NOL4: variants seen among roughly 807,000 people sequenced by gnomAD.
NOL4 encodes the protein nucleolar protein 4, also known as cancer/testis antigen 125.
Under a neutral mutation model 75.9 loss-of-function variants are expected in NOL4, and 17 were observed. The observed-to-expected ratio is 0.22, with a 90% CI of 0.15 to 0.34. The LOEUF (loss-of-function observed/expected upper bound fraction) is 0.34, where lower values mean the gene tolerates loss of function less well. Among genes scored for constraint, NOL4 ranks in the 10% least tolerant of loss-of-function variants. The pLI is 1.00. For missense variants in NOL4, 614 were observed against 793.5 expected, an observed-to-expected ratio of 0.77 and a Z score of 2.72; for synonymous variants, 292 against 289.9, an observed-to-expected ratio of 1.01 and a Z score of -0.07.
intron 1 of NOL4, among the ~76,000 whole-genome samples, chr18:34,158,833 G>A (rs534540668): frequency 6.6e-6 from 1 of 152,312 alleles, no homozygotes; most frequent in African/African-American, 2.4e-5. Flanking sequence ...GCTAATAGAA[G>A]AGGCGTGGCA....
chr18:34,020,500 G>A (rs1479859937), intron 5 of NOL4, among the ~76,000 whole-genome samples: 1 of 152,056 alleles, frequency 6.6e-6, no homozygotes, highest in Non-Finnish European at 1.5e-5. Context: ...ACACTTCTGG[G>A]AGTTTAATAC....
chr18:33,967,273 T>C (rs1302888325), intron 6 of NOL4, among the ~76,000 whole-genome samples: 6 of 152,112 alleles, frequency 3.9e-5, no homozygotes, highest in African/African-American at 1.4e-4. Flanking sequence ...TGGCTACCCA[T>C]ATGCAGGAGA....
At chr18:33,901,394 A>C (rs2065742080) in intron 9 of NOL4, among the ~76,000 whole-genome samples, 1 of 152,162 alleles carries the variant, frequency 6.6e-6, no homozygotes, top group African/African-American at 2.4e-5. Flanking sequence ...AGGGAAATAA[A>C]TTTAAATGAT....
At chr18:34,163,479 C>A (rs571485574) in intron 1 of NOL4, among the ~76,000 whole-genome samples, 1 of 152,024 alleles carries the variant, frequency 6.6e-6, no homozygotes, top group African/African-American at 2.4e-5. Flanking sequence ...CATGAGTGAA[C>A]TCCCATTCAC....
At chr18:34,211,369 C>A (rs1207085939) in intron 1 of NOL4, among the ~76,000 whole-genome samples, 2 of 152,156 alleles carry the variant, frequency 1.3e-5, no homozygotes, top group Non-Finnish European at 2.9e-5. Flanking sequence ...GCTTAGAGAA[C>A]AATGACCCAC....
chr18:34,177,589 G>A (rs1600805333), intron 1 of NOL4, among the ~76,000 whole-genome samples: 1 of 151,844 alleles, frequency 6.6e-6, no homozygotes, highest in East Asian at 1.9e-4. Flanking sequence ...GCACAGGTGT[G>A]TTCAGGCTAG....
chr18:34,024,066 AGT>A (rs1013809214), intron 5 of NOL4, among the ~76,000 whole-genome samples: 4 of 150,602 alleles, frequency 2.7e-5, no homozygotes, highest in Non-Finnish European at 1.5e-5. Flanking sequence ...TGTGTATTTA[AGT>A]GTGTGTGTGT....
intron 6 of NOL4, among the ~76,000 whole-genome samples, chr18:34,003,999 TCTCTTTGAAGCCTGCTA>T (rs1387220858): frequency 1.3e-5 from 2 of 152,032 alleles, no homozygotes; most frequent in Non-Finnish European, 1.5e-5. Context: ...TATAATCTAG[TCTCTTTGAAGCCTGCTA>T]CCTGGAGGCT....
chr18:33,892,637 T>C (rs2065158273), intron 9 of NOL4, among the ~76,000 whole-genome samples: 1 of 68,802 alleles, frequency 1.5e-5, no homozygotes, highest in Non-Finnish European at 2.8e-5. Context: ...CTTTTCTTCT[T>C]CTTCTCCTTC....
chr18:34,134,312 C>T (rs910618472), intron 1 of NOL4, among the ~76,000 whole-genome samples: 12 of 151,862 alleles, frequency 7.9e-5, no homozygotes, highest in Admixed American at 2.0e-4. Flanking sequence ...ATATTGTATG[C>T]TCAAGAGCAA....
At chr18:33,974,032 T>G (rs1568152760) in intron 6 of NOL4, among the ~76,000 whole-genome samples, 1 of 152,202 alleles carries the variant, frequency 6.6e-6, no homozygotes, top group East Asian at 1.9e-4. Context: ...CTAGATGGCT[T>G]CTTCTTCTAA....
At chr18:34,029,256 C>T (rs984066883) in intron 5 of NOL4, among the ~76,000 whole-genome samples, 1 of 152,160 alleles carries the variant, frequency 6.6e-6, no homozygotes. Context: ...AGCTGTTCTG[C>T]ACATTCTAGT....
chr18:34,174,543 T>C (rs1179110384), intron 1 of NOL4, among the ~76,000 whole-genome samples: 1 of 148,844 alleles, frequency 6.7e-6, no homozygotes, highest in African/African-American at 2.5e-5. Context: ...TTTTTTATTG[T>C]GTTTTAAGTT....
At chr18:34,093,912 A>G (rs959606354) in intron 4 of NOL4, among the ~76,000 whole-genome samples, 44 of 151,914 alleles carry the variant, frequency 2.9e-4, no homozygotes, top group African/African-American at 1.0e-3. Context: ...TGTGGCGGTG[A>G]GTGCCTGTAG....
intron 6 of NOL4, among the ~76,000 whole-genome samples, chr18:34,012,380 T>C (rs949584651): frequency 6.6e-5 from 10 of 152,058 alleles, no homozygotes; most frequent in African/African-American, 2.2e-4. Flanking sequence ...CTTTATTATA[T>C]CTTTCTTATG....
At chr18:33,943,899 G>C (rs2068665207) in intron 8 of NOL4, among the ~76,000 whole-genome samples, 1 of 151,780 alleles carries the variant, frequency 6.6e-6, no homozygotes. Flanking sequence ...CTAAGCTCAT[G>C]ATTAACTGTA....
intron 9 of NOL4, among the ~76,000 whole-genome samples, chr18:33,922,816 C>A (rs116988685): frequency 0.033 from 5,095 of 152,182 alleles, 97 homozygotes; most frequent in East Asian, 0.054. Flanking sequence ...GCTTCCAAAT[C>A]TTTTAGAAAA....
At chr18:33,865,598 G>A (rs2063393612) in intron 10 of NOL4, among the ~76,000 whole-genome samples, 1 of 151,994 alleles carries the variant, frequency 6.6e-6, no homozygotes, top group South Asian at 2.1e-4. Context: ...ATCCACCTGA[G>A]AATTTGTCCT....
chr18:33,979,355 A>C (rs1429944737), intron 6 of NOL4, among the ~76,000 whole-genome samples: 2 of 152,046 alleles, frequency 1.3e-5, no homozygotes, highest in African/African-American at 4.8e-5. Flanking sequence ...TTTGAGATTT[A>C]TTTATGCTTA....
Sources: gnomAD v4.1 joint callset for allele counts (sites outside exome capture counted in the v4.1 genomes callset) on GRCh38, gnomAD v4.1.1 for gene constraint, MANE v1.5 for transcripts, NCBI Gene and HGNC (gene_info 2026-07-23, HGNC 2026-07-21) for gene names.